The following NPAS3 variants were observed in gnomAD, a reference collection of about 807,000 sequenced individuals.
The protein encoded by NPAS3 is neuronal PAS domain protein 3.
In NPAS3, 14 loss-of-function variants were observed where a neutral mutation model predicts 73.1. That is an observed-to-expected ratio of 0.19 (90% CI 0.13 to 0.30). The LOEUF is 0.30. Among genes scored for constraint, NPAS3 ranks in the 10% least tolerant of loss-of-function variants. The pLI, the probability that NPAS3 is intolerant of heterozygous loss-of-function variation, is 1.00. For synonymous variants in NPAS3, 620 were observed against 541.5 expected (o/e 1.14, Z -2.01); for missense variants, 1,096 against 1,250.0 (o/e 0.88, Z 1.86).
chr14:33,469,015 A>G (rs965861037), intron 4 of NPAS3, among the ~76,000 whole-genome samples: 1 of 152,194 alleles, frequency 6.6e-6, no homozygotes, highest in Admixed American at 6.5e-5. Flanking sequence ...CAGTTCTTGT[A>G]ATTTGGTCAG....
At chr14:33,038,801 A>G (rs1351919009) in intron 1 of NPAS3, among the ~76,000 whole-genome samples, 3 of 152,190 alleles carry the variant, frequency 2.0e-5, no homozygotes, top group Non-Finnish European at 4.4e-5. Flanking sequence ...TTGAAGGTAG[A>G]AAAATGCTAA....
At chr14:33,144,196 T>C (rs888653872) in intron 2 of NPAS3, among the ~76,000 whole-genome samples, 21 of 152,184 alleles carry the variant, frequency 1.4e-4, no homozygotes, top group African/African-American at 5.1e-4. Context: ...AATTTTCTAA[T>C]GTGCTTGCCA....
intron 1 of NPAS3, among the ~76,000 whole-genome samples, chr14:32,949,152 T>C (rs1376983406): frequency 1.3e-5 from 2 of 152,112 alleles, no homozygotes; most frequent in African/African-American, 2.4e-5. Flanking sequence ...TAATATACAT[T>C]GATCAGCTTG....
chr14:33,039,218 T>C (rs1451868689), intron 1 of NPAS3, among the ~76,000 whole-genome samples: 1 of 152,330 alleles, frequency 6.6e-6, no homozygotes, highest in South Asian at 2.1e-4. Flanking sequence ...TTTTATGCTT[T>C]TACATTCATG....
upstream of NPAS3, among the ~76,000 whole-genome samples, chr14:32,937,261 T>G (rs939193496): frequency 3.3e-5 from 5 of 152,174 alleles, no homozygotes; most frequent in African/African-American, 9.7e-5. Flanking sequence ...TGTTTCCATC[T>G]GGATTTGTTT....
At chr14:33,190,713 G>T (rs1449865388) in intron 2 of NPAS3, among the ~76,000 whole-genome samples, 2 of 152,194 alleles carry the variant, frequency 1.3e-5, no homozygotes, top group African/African-American at 4.8e-5. Flanking sequence ...TGTCTCTGCT[G>T]CATGTGGAGT....
intron 3 of NPAS3, among the ~76,000 whole-genome samples, chr14:33,341,785 G>A (rs975113321): frequency 6.6e-6 from 1 of 152,148 alleles, no homozygotes; most frequent in African/African-American, 2.4e-5. Context: ...ATTCCATGTA[G>A]CACAGTTAGG....
At chr14:33,776,796 A>G (rs73260684) in intron 8 of NPAS3, among the ~76,000 whole-genome samples, 8,844 of 152,176 alleles carry the variant, frequency 0.058, 814 homozygotes, top group African/African-American at 0.2. Flanking sequence ...AAAAGGTGCC[A>G]TCAGGATTCT....
chr14:33,029,131 G>A (rs1353250507), intron 1 of NPAS3, among the ~76,000 whole-genome samples: 2 of 152,138 alleles, frequency 1.3e-5, no homozygotes, highest in Non-Finnish European at 1.5e-5. Context: ...GGGACTGTGT[G>A]ATGCAGCTAG....
intron 5 of NPAS3, among the ~76,000 whole-genome samples, chr14:33,625,992 A>G (rs1390320929): frequency 6.6e-6 from 1 of 152,228 alleles, no homozygotes; most frequent in Non-Finnish European, 1.5e-5. Flanking sequence ...ATGATAAAAT[A>G]GAATTGTCAA....
chr14:33,360,414 T>G (rs1353520067), intron 3 of NPAS3, among the ~76,000 whole-genome samples: 1 of 152,206 alleles, frequency 6.6e-6, no homozygotes, highest in Non-Finnish European at 1.5e-5. Flanking sequence ...AATTTAAAGA[T>G]AGGAATTAAT....
chr14:33,544,744 G>A (rs937283920), intron 4 of NPAS3, among the ~76,000 whole-genome samples: 6 of 115,032 alleles, frequency 5.2e-5, no homozygotes, highest in Non-Finnish European at 1.0e-4. Flanking sequence ...GGCAGCCCGG[G>A]CCCACTAAGA....
At chr14:33,205,769 T>G (rs1361590168) in intron 2 of NPAS3, among the ~76,000 whole-genome samples, 2 of 152,208 alleles carry the variant, frequency 1.3e-5, no homozygotes, top group Non-Finnish European at 2.9e-5. Context: ...ATAACTTAAA[T>G]TTTTCATACA....
intron 3 of NPAS3, among the ~76,000 whole-genome samples, chr14:33,300,614 T>C (rs17100598): frequency 6.6e-6 from 1 of 152,108 alleles, no homozygotes; most frequent in Non-Finnish European, 1.5e-5. Flanking sequence ...TGGGCAGAGC[T>C]GGAGTTCTCA....
At chr14:33,554,470 T>A (rs760051583) in intron 4 of NPAS3, among the ~76,000 whole-genome samples, 35 of 152,234 alleles carry the variant, frequency 2.3e-4, no homozygotes, top group Non-Finnish European at 4.6e-4. Context: ...CATGTATATC[T>A]TACTTTTTTA....
At chr14:33,249,727 G>A (rs1202609527) in intron 3 of NPAS3, among the ~76,000 whole-genome samples, 1 of 152,072 alleles carries the variant, frequency 6.6e-6, no homozygotes, top group East Asian at 1.9e-4. Flanking sequence ...ATTGCCATCT[G>A]GATGAATTGA....
intron 3 of NPAS3, among the ~76,000 whole-genome samples, chr14:33,246,877 G>A (rs1424161664): frequency 6.9e-6 from 1 of 145,266 alleles, no homozygotes; most frequent in African/African-American, 2.6e-5. Context: ...AGCTGGGCAT[G>A]GTGGTGGGTG....
intron 4 of NPAS3, among the ~76,000 whole-genome samples, chr14:33,441,738 C>T (rs963336150): frequency 2.6e-5 from 4 of 152,160 alleles, no homozygotes; most frequent in South Asian, 2.1e-4. Context: ...AATGGATTCA[C>T]AGTTTCACGT....
At chr14:33,669,671 A>C (rs2059555643) in intron 5 of NPAS3, among the ~76,000 whole-genome samples, 1 of 152,306 alleles carries the variant, frequency 6.6e-6, no homozygotes, top group Admixed American at 6.5e-5. Flanking sequence ...TATTTCTAGA[A>C]GTATTTAAAC....
Sources: allele counts gnomAD v4.1 joint callset (sites outside exome capture counted in the v4.1 genomes callset), GRCh38; gene constraint gnomAD v4.1.1; transcripts MANE v1.5; gene names NCBI Gene and HGNC (gene_info 2026-07-23, HGNC 2026-07-21).